RBM4: variants seen among roughly 807,000 people sequenced by gnomAD.
RBM4 encodes the protein RNA-binding protein 4.
A neutral mutation model predicts 29.5 loss-of-function variants in RBM4; 7 were observed. The observed-to-expected ratio is 0.24, with a 90% CI of 0.14 to 0.45. The LOEUF is 0.45. Among genes scored for constraint, RBM4 ranks in the 20% least tolerant of loss-of-function variants. The pLI, the probability that RBM4 is intolerant of heterozygous loss-of-function variation, is 1.00. For missense variants in RBM4, 387 were observed against 502.3 expected (o/e 0.77, Z 2.19); for synonymous variants, 220 against 205.4 (o/e 1.07, Z -0.61).
chr11:66,647,987 G>A (rs1311197734), downstream of RBM4, among the ~76,000 whole-genome samples: 1 of 152,030 alleles, frequency 6.6e-6, no homozygotes, highest in Non-Finnish European at 1.5e-5. Flanking sequence ...GGTGGATCAC[G>A]AGGTCAGGAG....
exon 3 of RBM4, chr11:66,666,271 C>T (rs1205852127): frequency 9.7e-6 from 11 of 1,129,422 alleles, no homozygotes; most frequent in Non-Finnish European, 1.1e-5. Flanking sequence ...AGTTAACTCA[C>T]ACCAAGTTCC....
At chr11:66,644,866 C>T (rs2135068514) in intron 3 of RBM4, 1 of 199,908 alleles carries the variant, frequency 5.0e-6, no homozygotes, top group Admixed American at 6.5e-5. Context: ...AATAGAGTGC[C>T]CACTCCATTG....
At chr11:66,660,798 C>T (rs553168255) in intron 2 of RBM4, among the ~76,000 whole-genome samples, 138 of 152,138 alleles carry the variant, frequency 9.1e-4, no homozygotes, top group Admixed American at 2.7e-3. Context: ...GGACTACAGG[C>T]ATGTGCCACC....
chr11:66,644,748 G>A (rs998762203), intron 3 of RBM4: 2 of 930,208 alleles, frequency 2.2e-6, no homozygotes, highest in Non-Finnish European at 2.6e-6. Flanking sequence ...TTGATGGTAA[G>A]TTGGGGTAGA....
chr11:66,653,609 G>A (rs577068229), intron 2 of RBM4, among the ~76,000 whole-genome samples: 1 of 152,088 alleles, frequency 6.6e-6, no homozygotes, highest in Non-Finnish European at 1.5e-5. Context: ...TGATCCACCT[G>A]CCTTGGCCTC....
chr11:66,651,146 T>A (rs1590869657), downstream of RBM4, among the ~76,000 whole-genome samples: 1 of 151,974 alleles, frequency 6.6e-6, no homozygotes, highest in African/African-American at 2.4e-5. Flanking sequence ...GTAGTGAGAG[T>A]GAGATCATTG....
chr11:66,657,682 CAAAAAAAAAAAAAAA>C (rs763265823), intron 2 of RBM4, among the ~76,000 whole-genome samples: 1 of 28,058 alleles, frequency 3.6e-5, no homozygotes, highest in Non-Finnish European at 7.6e-5. Flanking sequence ...GATTCCATCT[CAAAAAAAAAAAAAAA>C]AAAAAAAAAA....
chr11:66,648,083 G>A (rs1404447344), downstream of RBM4, among the ~76,000 whole-genome samples: 3 of 152,090 alleles, frequency 2.0e-5, no homozygotes, highest in Non-Finnish European at 4.4e-5. Context: ...GCACGCACCT[G>A]TAATCCCGGC....
chr11:66,667,178 C>T (rs2135229780), exon 3 of RBM4: 1 of 152,280 alleles, frequency 6.6e-6, no homozygotes, highest in Admixed American at 6.5e-5. Context: ...TGCTCAATTT[C>T]AAGGTACAAG....
At chr11:66,646,772 C>CT (rs1351488215), downstream of RBM4, among the ~76,000 whole-genome samples, 14 of 152,314 alleles carry the variant, frequency 9.2e-5, no homozygotes, top group African/African-American at 3.1e-4. Context: ...TCCCTTAAGA[C>CT]TACCATTCCA....
intron 3 of RBM4, 125 bp from the exon 4 acceptor site, chr11:66,645,902 G>C (rs1938671729): frequency 1.8e-5 from 26 of 1,484,466 alleles, no homozygotes; most frequent in South Asian, 7.5e-5. Flanking sequence ...GATACTGGGG[G>C]AGAAGGGTAC....
At chr11:66,657,195 G>A (rs1304469007) in intron 2 of RBM4, among the ~76,000 whole-genome samples, 1 of 145,326 alleles carries the variant, frequency 6.9e-6, no homozygotes, top group African/African-American at 2.6e-5. Context: ...GCTCAATGCA[G>A]CCTCAACCTT....
intron 3 of RBM4, chr11:66,644,645 T>C: frequency 3.1e-6 from 3 of 977,094 alleles, no homozygotes; most frequent in South Asian, 4.7e-5. Context: ...TCCCAGTTAC[T>C]AAGAAGACTA....
intron 2 of RBM4, among the ~76,000 whole-genome samples, chr11:66,662,313 G>T (rs1209808860): frequency 6.6e-6 from 1 of 152,158 alleles, no homozygotes; most frequent in South Asian, 2.1e-4. Context: ...ATCACTGCCA[G>T]GAGTGTTATT....
rs1370035058 is a variant in RBM4, at chr11:66,643,044, T to C, written c.413-406T>C. On this transcript the variant is annotated intron_variant, in intron 2 of 3. Coordinates refer to ENST00000310092, the MANE Select transcript of RBM4 (RefSeq NM_002896.4). The surrounding 1 kb of genome is among the most constrained non-coding windows in gnomAD (Gnocchi z 6.1). ...AGGGTGGAGAACTGGCCTTTACTTA[T>C]ATTCCTTTGCTTAATGAAAATCCAT... is the stretch of plus-strand genomic sequence containing the variant. Among the ~76,000 whole-genome samples, 3 of 152,214 alleles carry C rather than the reference T, an allele frequency of 2.0e-5. No individual in the cohort carries two copies. Among genetic ancestry groups the C allele is most frequent in the Non-Finnish European group, 2.9e-5 (2 of 68,052 alleles).
At chr11:66,642,173 A>G (rs1249734471) in intron 2 of RBM4, among the ~76,000 whole-genome samples, 2 of 152,198 alleles carry the variant, frequency 1.3e-5, no homozygotes, top group East Asian at 3.9e-4. Flanking sequence ...CCGTTTCCCT[A>G]TTGTGTTTTC....
At chr11:66,667,460 G>GA (rs1217426239) in exon 3 of RBM4, 1 of 152,128 alleles carries the variant, frequency 6.6e-6, no homozygotes, top group Non-Finnish European at 1.5e-5. Flanking sequence ...GAAGAAACAG[G>GA]AAGCATCCAG....
chr11:66,654,968 G>A (rs917845747), intron 2 of RBM4, among the ~76,000 whole-genome samples: 1 of 151,890 alleles, frequency 6.6e-6, no homozygotes, highest in African/African-American at 2.4e-5. Flanking sequence ...AGGATTACAG[G>A]CGCATACCAC....
exon 3 of RBM4, chr11:66,665,945 A>T: frequency 6.5e-7 from 1 of 1,534,258 alleles, no homozygotes; most frequent in Admixed American, 2.0e-5. Context: ...TTTGGAGTCC[A>T]GGAAAAGCAG....
Sources: gnomAD v4.1 joint callset for allele counts (sites outside exome capture counted in the v4.1 genomes callset) on GRCh38, gnomAD v4.1.1 for gene constraint, Gnocchi (gnomAD v3.1) non-coding constraint, MANE v1.5 for transcripts, NCBI Gene and HGNC (gene_info 2026-07-23, HGNC 2026-07-21) for gene names.